Variants in INTU observed in about 807,000 individuals in gnomAD.
INTU encodes the protein inturned planar cell polarity protein, also known as protein inturned.
A neutral mutation model predicts 100.5 loss-of-function variants in INTU; 68 were observed. The observed-to-expected ratio is 0.68, with a 90% confidence interval of 0.56 to 0.83. INTU has a LOEUF of 0.83. INTU is among the 40% of genes least tolerant of loss of function. INTU has a pLI of 0.00. For missense variants in INTU, 1,071 were observed against 1,114.7 expected (o/e 0.96, Z 0.56); for synonymous variants, 357 against 395.7 (o/e 0.90, Z 1.16).
intron 8 of INTU, among the ~76,000 whole-genome samples, chr4:127,694,697 A>G (rs78035557): frequency 0.019 from 2,896 of 152,212 alleles, 101 homozygotes; most frequent in African/African-American, 0.065. Context: ...TGAAGGGTGT[A>G]TGGTGTGTGT....
Position 127,721,893 on chromosome 4 carries a change from T to C in INTU, c.*5457T>C, listed in dbSNP as rs1731351547. On this transcript the variant is annotated 3_prime_UTR_variant, in exon 16 of 16. Coordinates refer to ENST00000335251, the MANE Select transcript of INTU (RefSeq NM_015693.4). ...GTTTTATTATGGTTCTTAGCTTCTT[T>C]GCAGTGAGTTAGAACATATTCCCTT... 2.6e-5 allele frequency: 4 copies of C among 152,230 alleles called. No individual in the cohort carries two copies. The highest frequency in any genetic ancestry group is 2.6e-4 in the Admixed American group (4 of 15,290). The allele number at this position is 152,230 out of a possible 1,614,324, so 9.4% of individuals were successfully genotyped here.
intron 2 of INTU, among the ~76,000 whole-genome samples, chr4:127,649,032 T>C (rs572723030): frequency 6.6e-6 from 1 of 152,228 alleles, no homozygotes; most frequent in East Asian, 1.9e-4. Flanking sequence ...GTACTCCTGC[T>C]TACTCTGCAC....
chr4:127,706,730 A>G lies in INTU; in HGVS notation c.2032A>G (p.Ser678Gly). ...TAGCTTGACCACTTCGCCTATTCTCAGTAGGCTACAAGGTACTTCCAAAGT... is the reference window on the plus strand; with the variant it reads ...TAGCTTGACCACTTCGCCTATTCTCGGTAGGCTACAAGGTACTTCCAAAGT... ...TDSLTTSPIL[S>G]RLQGTSKVAT... The change falls in exon 12 of 16, where the codon AGT becomes GGT. Residue 678 changes from serine to glycine, a missense_variant. Ser to Gly is a moderately conservative substitution (Grantham distance 56). Coordinates refer to ENST00000335251, the MANE Select transcript of INTU (RefSeq NM_015693.4). The G allele has an allele frequency of 6.2e-7, 1 of 1,614,116 alleles. No homozygotes were observed. The highest frequency in any genetic ancestry group is 8.5e-7 in the Non-Finnish European group (1 of 1,179,982).
intron 6 of INTU, among the ~76,000 whole-genome samples, chr4:127,680,064 ACT>A (rs1310141230): frequency 6.6e-6 from 1 of 152,192 alleles, no homozygotes; most frequent in African/African-American, 2.4e-5. Context: ...GAAGAAGTTG[ACT>A]CTCTGAATAG....
At chr4:127,673,434 T>C (rs946098382) in intron 5 of INTU, among the ~76,000 whole-genome samples, 5 of 151,528 alleles carry the variant, frequency 3.3e-5, no homozygotes, top group African/African-American at 1.2e-4. Flanking sequence ...ATCTTCCCAC[T>C]TTAGCTTCCC....
chr4:127,698,689 T>C (rs1264997214), intron 8 of INTU, among the ~76,000 whole-genome samples: 1 of 152,208 alleles, frequency 6.6e-6, no homozygotes, highest in Non-Finnish European at 1.5e-5. Context: ...CATATTTTCC[T>C]AGGGTACAGT....
chr4:127,638,676 G>A (rs1252962302), intron 1 of INTU, among the ~76,000 whole-genome samples: 1 of 152,106 alleles, frequency 6.6e-6, no homozygotes, highest in Non-Finnish European at 1.5e-5. Context: ...AAATTAACAA[G>A]TCTTTCTTTG....
At chr4:127,698,102 C>T (rs1055142258) in intron 8 of INTU, among the ~76,000 whole-genome samples, 2 of 151,994 alleles carry the variant, frequency 1.3e-5, no homozygotes, top group Non-Finnish European at 2.9e-5. Flanking sequence ...CCTAGGCAAC[C>T]AGAGTGAAAC....
In INTU at chr4:127,726,039, C is replaced by A. The variant is rs1041887277; in HGVS notation, c.*9603C>A. The A allele has an allele frequency of 6.6e-6, 1 of 152,172 alleles. No individual in the cohort carries two copies. Among genetic ancestry groups the A allele is most frequent in the Non-Finnish European group, 1.5e-5 (1 of 68,014 alleles). 9.4% of individuals were successfully genotyped at this position (152,172 alleles called of 1,614,324 possible). A position where few individuals can be genotyped will look rare whatever the true frequency, so the allele number is the denominator to read the frequency against. On this transcript the variant is annotated 3_prime_UTR_variant, in exon 16 of 16. Coordinates refer to ENST00000335251, the MANE Select transcript of INTU (RefSeq NM_015693.4). Reference sequence around the variant, plus strand: ...GTATGCAAATGTTCCCTTCCACCAACAACTATTAATGTGAAAAACTATATA... The same window carrying A: ...GTATGCAAATGTTCCCTTCCACCAAAAACTATTAATGTGAAAAACTATATA...
chr4:127,723,661 GT>G lies in INTU; in HGVS notation c.*7228del, dbSNP rs1176372027. 6.8e-6 allele frequency: 1 copy of G among 146,554 alleles called. No homozygotes were observed. The highest frequency in any genetic ancestry group is 1.5e-5 in the Non-Finnish European group (1 of 66,320). The allele number at this position is 146,554 out of a possible 1,614,324, so 9.1% of individuals were successfully genotyped here. On this transcript the variant is annotated 3_prime_UTR_variant, in exon 16 of 16. Transcript: ENST00000335251. ...CTATTTGTCAACTTTATTTTTTTTT[GT>G]TTGTTTTTGTTAAAATACATTCAGC...
chr4:127,666,689 C>T lies in INTU; in HGVS notation c.973-2347C>T, dbSNP rs767556719. Reference sequence around the variant, plus strand: ...AAGGTTGTCCTTGGAAACCTCTCTGCTTCTTGCATGTCAGCAATTTGAAAA... The same window carrying T: ...AAGGTTGTCCTTGGAAACCTCTCTGTTTCTTGCATGTCAGCAATTTGAAAA... On this transcript the variant is annotated intron_variant, in intron 4 of 15. Transcript: ENST00000335251. Among the ~76,000 whole-genome samples, 129 of 152,192 alleles carry T rather than the reference C, an allele frequency of 8.5e-4. 2 individuals carry two copies. Among genetic ancestry groups the T allele is most frequent in the Non-Finnish European group, 4.0e-4 (27 of 68,020 alleles).
At position 127,690,546 on chromosome 4, in the gene INTU, A is replaced by G. The variant is rs540611186; in HGVS notation, c.1449+2679A>G. 1.8e-4 allele frequency among the ~76,000 whole-genome samples: 27 copies of G among 152,344 alleles called. No homozygotes were observed. The South Asian group carries it at 5.2e-3, about 29-fold the overall frequency. ...TGAGGATCTGGCTTAGATGTTTTCT[A>G]CATTTTGTAGTCCAGTTAGGAGATT... is the stretch of plus-strand genomic sequence containing the variant. On this transcript the variant is annotated intron_variant, in intron 8 of 15. Coordinates refer to ENST00000335251, the MANE Select transcript of INTU (RefSeq NM_015693.4).
chr4:127,656,274 G>A lies in INTU; in HGVS notation c.683-362G>A, dbSNP rs72681821. On this transcript the variant is annotated intron_variant, in intron 2 of 15. Transcript: ENST00000335251. ...TTTGTTTTTACTGTGGGTCTAAGTG[G>A]TTAGATTCAGTTTTGTCAAGTACAG... Among the ~76,000 whole-genome samples the A allele has an allele frequency of 8.9e-3, 1,360 of 152,238 alleles. 13 individuals are homozygous for A. Among genetic ancestry groups the A allele is most frequent in the Admixed American group, 0.016 (251 of 15,288 alleles).
intron 14 of INTU, among the ~76,000 whole-genome samples, chr4:127,712,834 T>G (rs1731142635): frequency 6.6e-6 from 1 of 152,188 alleles, no homozygotes; most frequent in African/African-American, 2.4e-5. Context: ...TCAGGTCAGC[T>G]GCGGCATTAG....
At chr4:127,651,832 T>C (rs1329420943) in intron 2 of INTU, among the ~76,000 whole-genome samples, 4 of 151,666 alleles carry the variant, frequency 2.6e-5, no homozygotes, top group Non-Finnish European at 4.4e-5. Flanking sequence ...TTCACGATAT[T>C]GATTCTTCCT....
chr4:127,647,726 A>G (rs535371651), intron 2 of INTU, among the ~76,000 whole-genome samples: 1 of 152,248 alleles, frequency 6.6e-6, no homozygotes, highest in East Asian at 1.9e-4. Flanking sequence ...TTCATTGTAG[A>G]CAATTTAGAA....
chr4:127,643,834 G>T lies in INTU; in HGVS notation c.460G>T (p.Val154Phe). The change falls in exon 2 of 16, where the codon GTC becomes TTC. Residue 154 changes from valine to phenylalanine, a missense_variant. Physicochemically the swap from Val to Phe is conservative, Grantham distance 50. Transcript: ENST00000335251. ...GTCCAATCAGAAGACAGGAGTCATT[G>T]TCCAACAGCGATACAAAGATGTGAA... ...HQSNQKTGVI[V>F]QQRYKDVNVY... 1 of 1,614,038 alleles carries T rather than the reference G, an allele frequency of 6.2e-7. No homozygotes were observed. Among genetic ancestry groups the T allele is most frequent in the East Asian group, 2.2e-5 (1 of 44,884 alleles).
chr4:127,651,212 C>A (rs1727854694), intron 2 of INTU, among the ~76,000 whole-genome samples: 1 of 152,028 alleles, frequency 6.6e-6, no homozygotes, highest in Admixed American at 6.6e-5. Flanking sequence ...TGCAGAAGCT[C>A]TTTAGTTTAA....
chr4:127,665,370 C>A (rs1390827671), intron 4 of INTU, among the ~76,000 whole-genome samples: 1 of 151,716 alleles, frequency 6.6e-6, no homozygotes, highest in African/African-American at 2.4e-5. Context: ...TACTCATCAT[C>A]CTCTTACATC....
Sources: gnomAD v4.1 joint callset for allele counts (sites outside exome capture counted in the v4.1 genomes callset) on GRCh38, gnomAD v4.1.1 for gene constraint, MANE v1.5 for transcripts, NCBI Gene and HGNC (gene_info 2026-07-23, HGNC 2026-07-21) for gene names.